TIAM1: variants seen among roughly 807,000 people sequenced by gnomAD.
The protein encoded by TIAM1 is TIAM Rac1 associated GEF 1.
Under a neutral mutation model 163.5 loss-of-function variants are expected in TIAM1, and 65 were observed. The observed-to-expected ratio is 0.40, with a 90% confidence interval of 0.33 to 0.49. The LOEUF (loss-of-function observed/expected upper bound fraction) is 0.49, where lower values mean the gene tolerates loss of function less well. Ranked by LOEUF, TIAM1 falls within the 20% of genes least tolerant of loss-of-function variation. The probability of loss-of-function intolerance (pLI) is 0.77; values close to 1 mark genes in which losing one functional copy is unlikely to be tolerated. For missense variants in TIAM1, 1,789 were observed against 2,044.7 expected, an observed-to-expected ratio of 0.87 and a Z score of 2.41; for synonymous variants, 833 against 810.1, an observed-to-expected ratio of 1.03 and a Z score of -0.48.
Position 31,165,018 on chromosome 21 carries a change from C to T in TIAM1, c.2935G>A (p.Glu979Lys). The change falls in exon 16 of 28, where the codon GAG becomes AAG. Residue 979 changes from glutamate (E) to lysine (K), a missense_variant. By Grantham distance (56) the Glu-to-Lys change is moderately conservative. This residue lies in a region of TIAM1 where 303 missense variants were observed against 321.3 expected (regional missense o/e 0.94). Transcript: ENST00000541036. ...TCCAAGTCTGGCCCCTCGGTCTCCT[C>T]TGGAGCGGTCTCAGCACTGCTGCCC... is the stretch of plus-strand genomic sequence containing the variant. Reference protein sequence around the residue: ...EQGSSAETAPEETEGPDLESS... With the variant: ...EQGSSAETAPKETEGPDLESS... The T allele has an allele frequency of 6.2e-7, 1 of 1,614,174 alleles. No homozygotes were observed. The highest frequency in any genetic ancestry group is 8.5e-7 in the Non-Finnish European group (1 of 1,180,050).
intron 6 of TIAM1, among the ~76,000 whole-genome samples, chr21:31,231,125 C>T (rs919928505): frequency 6.6e-6 from 1 of 151,838 alleles, no homozygotes; most frequent in Non-Finnish European, 1.5e-5. Context: ...CCCGTTGCCA[C>T]GGTCACAGAA....
intron 2 of TIAM1, among the ~76,000 whole-genome samples, chr21:31,418,341 CAAAA>C (rs71193114): frequency 5.8e-5 from 2 of 34,746 alleles, no homozygotes; most frequent in Non-Finnish European, 1.2e-4. Context: ...GACTCTGTCT[CAAAA>C]AAAAAAAAAA....
intron 2 of TIAM1, among the ~76,000 whole-genome samples, chr21:31,287,838 T>C (rs1466264387): frequency 1.3e-5 from 2 of 152,184 alleles, no homozygotes; most frequent in African/African-American, 2.4e-5. Context: ...GGGAGTTACA[T>C]GATCAAACAT....
At chr21:31,173,558 A>AAAAG (rs570563663) in intron 15 of TIAM1, among the ~76,000 whole-genome samples, 143 of 152,222 alleles carry the variant, frequency 9.4e-4, no homozygotes, top group African/African-American at 3.0e-3. Context: ...GAGAGAAAAG[A>AAAAG]AAAGAAAGAA....
intron 1 of TIAM1, among the ~76,000 whole-genome samples, chr21:31,519,513 A>C (rs922073129): frequency 6.7e-6 from 1 of 149,888 alleles, no homozygotes; most frequent in South Asian, 2.1e-4. Flanking sequence ...TGTCTCAAAA[A>C]AAAAAAAAAA....
At chr21:31,257,821 C>T (rs1368246685) in intron 4 of TIAM1, among the ~76,000 whole-genome samples, 1 of 152,134 alleles carries the variant, frequency 6.6e-6, no homozygotes, top group East Asian at 1.9e-4. Flanking sequence ...TCACGTCCCC[C>T]CTTTTACTAC....
chr21:31,184,545 A>C (rs1400292046), intron 14 of TIAM1, among the ~76,000 whole-genome samples: 1 of 152,216 alleles, frequency 6.6e-6, no homozygotes, highest in African/African-American at 2.4e-5. Flanking sequence ...GGGTTAGTAC[A>C]GATGACCGTT....
intron 2 of TIAM1, among the ~76,000 whole-genome samples, chr21:31,369,432 A>C (rs199671565): frequency 6.9e-6 from 1 of 145,448 alleles, no homozygotes; most frequent in South Asian, 2.2e-4. Flanking sequence ...GAGGATAAGG[A>C]AAGGTTGCTT....
chr21:31,428,083 G>A (rs2043863282), intron 2 of TIAM1, among the ~76,000 whole-genome samples: 1 of 151,986 alleles, frequency 6.6e-6, no homozygotes, highest in South Asian at 2.1e-4. Flanking sequence ...TCAACATGGT[G>A]AAACCCTGTC....
At position 31,550,220 on chromosome 21, in the gene TIAM1, G is replaced by C. The variant is rs572345268; in HGVS notation, c.-422+8707C>G. On this transcript the variant is annotated intron_variant, in intron 1 of 28. Coordinates refer to the TIAM1 transcript ENST00000286827. ...AGTAACTACACACAAAGGCCAAAAG[G>C]TGGAAATAACCCAATGTCTATCAAC... Among the ~76,000 whole-genome samples the C allele has an allele frequency of 3.5e-4, 53 of 152,200 alleles. No individual in the cohort carries two copies. In the South Asian group the frequency reaches 3.5e-3, roughly 10 times the overall value.
intron 1 of TIAM1, among the ~76,000 whole-genome samples, chr21:31,471,716 A>G (rs1252072496): frequency 6.6e-6 from 1 of 152,004 alleles, no homozygotes; most frequent in African/African-American, 2.4e-5. Context: ...CTAAAAATAC[A>G]AAATTAGCCA....
intron 2 of TIAM1, among the ~76,000 whole-genome samples, chr21:31,332,942 G>T (rs2075724296): frequency 1.3e-5 from 2 of 152,098 alleles, no homozygotes; most frequent in Non-Finnish European, 2.9e-5. Flanking sequence ...CTCTTAAAAA[G>T]AACTAAATAA....
chr21:31,542,025 G>A (rs2048337090), intron 1 of TIAM1, among the ~76,000 whole-genome samples: 1 of 152,110 alleles, frequency 6.6e-6, no homozygotes, highest in Non-Finnish European at 1.5e-5. Flanking sequence ...CCCTCCCTCT[G>A]TGGTCATTCG....
At chr21:31,146,423 A>C (rs1295069779) in intron 20 of TIAM1, among the ~76,000 whole-genome samples, 4 of 147,946 alleles carry the variant, frequency 2.7e-5, no homozygotes, top group East Asian at 2.0e-4. Flanking sequence ...AAAAAAAAAA[A>C]AACAAGGCAG....
In TIAM1 at chr21:31,161,015, G is replaced by C. The variant is rs75655562; in HGVS notation, c.2991+3947C>G. 1,200 of 152,092 alleles carry C rather than the reference G, an allele frequency of 7.9e-3. 18 individuals carry two copies. The highest frequency in any genetic ancestry group is 0.028 in the African/African-American group (1,129 of 41,018). The allele number at this position is 152,092 out of a possible 1,614,324, so 9.4% of individuals were successfully genotyped here. On this transcript the variant is annotated intron_variant, in intron 16 of 27. Transcript: ENST00000541036. ...TTCAAGGTATTCCACACTGAGTCAA[G>C]AGCAGGCAACTAAGAAAAGTTGTGT...
chr21:31,301,578 G>A (rs984051996), intron 2 of TIAM1, among the ~76,000 whole-genome samples: 71 of 152,240 alleles, frequency 4.7e-4, no homozygotes, highest in African/African-American at 1.7e-3. Flanking sequence ...AGTGGCTCAC[G>A]CCTGTAATCC....
rs1281011831 is a variant in TIAM1 at position 31,245,566 on chromosome 21, C to T, written c.1506G>A (p.Val502=). 1.2e-6 allele frequency: 2 copies of T among 1,607,794 alleles called. No homozygotes were observed. Among genetic ancestry groups the T allele is most frequent in the Admixed American group, 1.7e-5 (1 of 59,046 alleles). The change falls in exon 6 of 28, where the codon GTG becomes GTA. Residue 502 remains valine (V), a synonymous_variant. Transcript: ENST00000541036. ...KHAVWVENSI[V]QAVPEHPKKD... ...TCTTGGGGTGCTCAGGCACCGCCTGCACAATGCTGTTCTCCACCCAGACGG... is the reference window on the plus strand; with the variant it reads ...TCTTGGGGTGCTCAGGCACCGCCTGTACAATGCTGTTCTCCACCCAGACGG...
intron 2 of TIAM1, among the ~76,000 whole-genome samples, chr21:31,392,621 T>C (rs909132734): frequency 2.1e-4 from 30 of 144,110 alleles, no homozygotes; most frequent in African/African-American, 7.0e-4. Context: ...ATACCTGATA[T>C]AGTGTTGTCA....
chr21:31,130,403 T>C lies in TIAM1; in HGVS notation c.3943-88A>G, dbSNP rs147500324. The stretch of plus-strand genomic sequence containing the variant: ...CATTTTCTAAACCAGCGACAGACTC[T>C]CACGCAGTAACTCTAGGCGTGCCCA... On this transcript the variant is annotated intron_variant, in intron 24 of 27. Coordinates refer to ENST00000541036, the MANE Select transcript of TIAM1 (RefSeq NM_001353694.2). 407 of 1,060,776 alleles carry C rather than the reference T, an allele frequency of 3.8e-4. 1 individual carries two copies. The African/African-American group carries it at 5.4e-3, about 14-fold the overall frequency. The allele number at this position is 1,060,776 out of a possible 1,614,324, so 65.7% of individuals were successfully genotyped here.
Sources: gnomAD v4.1 joint callset for allele counts (sites outside exome capture counted in the v4.1 genomes callset) on GRCh38, gnomAD v4.1.1 for gene constraint, gnomAD v4.1.1 regional missense constraint, MANE v1.5 for transcripts, NCBI Gene and HGNC (gene_info 2026-07-23, HGNC 2026-07-21) for gene names.